The following NFIB variants were observed in gnomAD, a reference collection of about 807,000 sequenced individuals.
NFIB encodes the protein nuclear factor I B.
A neutral mutation model predicts 61.5 loss-of-function variants in NFIB; 11 were observed. The observed-to-expected ratio is 0.18, with a 90% CI of 0.11 to 0.30. NFIB has a LOEUF of 0.30. Among genes scored for constraint, NFIB ranks in the 10% least tolerant of loss-of-function variants. NFIB has a pLI of 1.00. For missense variants in NFIB, 471 were observed against 608.9 expected, an observed-to-expected ratio of 0.77 and a Z score of 2.38; for synonymous variants, 260 against 216.5, an observed-to-expected ratio of 1.20 and a Z score of -1.76.
intron 1 of NFIB, among the ~76,000 whole-genome samples, chr9:14,335,865 G>A (rs12004953): frequency 0.02 from 3,089 of 152,248 alleles, 95 homozygotes; most frequent in African/African-American, 0.069. Flanking sequence ...TGCAAGGTAT[G>A]AGTCAAAATT....
intron 1 of NFIB, among the ~76,000 whole-genome samples, chr9:14,353,290 G>A (rs2061136127): frequency 6.6e-6 from 1 of 152,068 alleles, no homozygotes; most frequent in Non-Finnish European, 1.5e-5. Context: ...GATATTAGAG[G>A]ATAGATGTGA....
chr9:14,311,957 A>ATTCG (rs1159969606), intron 1 of NFIB, among the ~76,000 whole-genome samples: 2 of 152,224 alleles, frequency 1.3e-5, no homozygotes, highest in Non-Finnish European at 2.9e-5. Context: ...AGTAAAGGCA[A>ATTCG]TTCGTTATAC....
chr9:14,338,893 C>A (rs1168735177), intron 1 of NFIB, among the ~76,000 whole-genome samples: 1 of 151,146 alleles, frequency 6.6e-6, no homozygotes, highest in African/African-American at 2.4e-5. Flanking sequence ...TCTTTCTGAA[C>A]CTTTGCGATA....
rs75775436 is a variant in NFIB at position 14,367,316 on chromosome 9, A to C, written c.108+31208T>G. The stretch of plus-strand genomic sequence containing the variant: ...GTGGGTACAAAGACTAAATATGGAA[A>C]GGCTAGGAAAGGCTTTTCAGATGAG... On this transcript the variant is annotated intron_variant, in intron 1 of 8. Transcript: ENST00000380934. Among the ~76,000 whole-genome samples, 18 of 152,202 alleles carry C rather than the reference A, an allele frequency of 1.2e-4. No individual in the cohort carries two copies. The East Asian group carries it at 3.3e-3, about 28-fold the overall frequency.
the NFIB span, among the ~76,000 whole-genome samples, chr9:14,475,840 T>C: frequency 2.0e-5 from 3 of 152,186 alleles, no homozygotes; most frequent in Non-Finnish European, 4.4e-5. Flanking sequence ...ACCATCTCCA[T>C]GCCTAAATAA....
At chr9:14,130,108 C>T (rs1453548774) in intron 6 of NFIB, among the ~76,000 whole-genome samples, 1 of 151,994 alleles carries the variant, frequency 6.6e-6, no homozygotes, top group South Asian at 2.1e-4. Flanking sequence ...TTCACTTGTA[C>T]CTGGCTGAAC....
upstream of NFIB, among the ~76,000 whole-genome samples, chr9:14,402,207 T>C (rs1490713234): frequency 6.6e-6 from 1 of 152,174 alleles, no homozygotes; most frequent in Non-Finnish European, 1.5e-5. Flanking sequence ...TGGATGAAAT[T>C]GATCCAGCAA....
At chr9:14,315,758 G>GC (rs915941461), upstream of NFIB, among the ~76,000 whole-genome samples, 1 of 151,270 alleles carries the variant, frequency 6.6e-6, no homozygotes, top group African/African-American at 2.4e-5. Context: ...TACACACACC[G>GC]CCCCCCAAAT....
intron 1 of NFIB, among the ~76,000 whole-genome samples, chr9:14,367,883 G>T (rs111961187): frequency 6.6e-6 from 1 of 152,160 alleles, no homozygotes; most frequent in Non-Finnish European, 1.5e-5. Flanking sequence ...CTGTCAGGGG[G>T]TGAGGGGCTA....
intron 1 of NFIB, among the ~76,000 whole-genome samples, chr9:14,367,502 A>C (rs1305940624): frequency 6.6e-6 from 1 of 152,078 alleles, no homozygotes; most frequent in Non-Finnish European, 1.5e-5. Flanking sequence ...AATGAGGGTC[A>C]AAAGGTTGTA....
intron 10 of NFIB, among the ~76,000 whole-genome samples, chr9:14,102,029 G>C (rs886866098): frequency 2.2e-4 from 34 of 152,096 alleles, no homozygotes; most frequent in African/African-American, 8.0e-4. Flanking sequence ...GTAGAGGAAA[G>C]AGTTAAAATA....
At chr9:14,291,002 A>C (rs1262595137) in intron 2 of NFIB, among the ~76,000 whole-genome samples, 1 of 152,108 alleles carries the variant, frequency 6.6e-6, no homozygotes, top group Non-Finnish European at 1.5e-5. Flanking sequence ...ACATGCTTTC[A>C]AACTTTCACC....
chr9:14,402,772 GTGGCAGA>G (rs2061755277), upstream of NFIB, among the ~76,000 whole-genome samples: 1 of 152,114 alleles, frequency 6.6e-6, no homozygotes, highest in Non-Finnish European at 1.5e-5. Context: ...ACACTGTCAC[GTGGCAGA>G]TGGCATGGTA....
At chr9:14,198,129 T>C (rs1178390950) in intron 2 of NFIB, among the ~76,000 whole-genome samples, 1 of 152,172 alleles carries the variant, frequency 6.6e-6, no homozygotes, top group Non-Finnish European at 1.5e-5. Flanking sequence ...TCAAATGGAA[T>C]TTTTTCAAAG....
At chr9:14,310,263 T>C (rs2060219121) in intron 1 of NFIB, among the ~76,000 whole-genome samples, 2 of 152,350 alleles carry the variant, frequency 1.3e-5, no homozygotes, top group South Asian at 4.1e-4. Flanking sequence ...CTCTTTTTTT[T>C]GAGAAATAAA....
the NFIB span, among the ~76,000 whole-genome samples, chr9:14,498,673 C>T: frequency 1.3e-5 from 2 of 152,078 alleles, no homozygotes; most frequent in Non-Finnish European, 2.9e-5. Context: ...GTGTGATGAG[C>T]TTCCTGGTTA....
intron 3 of NFIB, among the ~76,000 whole-genome samples, chr9:14,156,177 A>G (rs987296575): frequency 3.2e-4 from 48 of 152,166 alleles, no homozygotes; most frequent in African/African-American, 1.1e-3. Flanking sequence ...TGCATACAGA[A>G]TGGTCTGTGG....
the NFIB span, among the ~76,000 whole-genome samples, chr9:14,488,932 C>G: frequency 6.6e-6 from 1 of 152,166 alleles, no homozygotes; most frequent in South Asian, 2.1e-4. Flanking sequence ...GCTTTGTTAG[C>G]AGCTAGCAAT....
intron 10 of NFIB, 64 bp downstream of exon 10, chr9:14,112,935 A>C: frequency 6.8e-7 from 1 of 1,481,458 alleles, no homozygotes; most frequent in Non-Finnish European, 9.2e-7. Context: ...TCTGAGAGGC[A>C]ACATGGAGAA....
Sources: gnomAD v4.1 joint callset for allele counts (sites outside exome capture counted in the v4.1 genomes callset) on GRCh38, gnomAD v4.1.1 for gene constraint, MANE v1.5 for transcripts, NCBI Gene and HGNC (gene_info 2026-07-23, HGNC 2026-07-21) for gene names.